OSMR: variants seen among roughly 807,000 people sequenced by gnomAD.
The protein encoded by OSMR is oncostatin-M-specific receptor subunit beta.
OSMR carries 81 observed loss-of-function variants against 99.9 expected under a neutral mutation model. That is an observed-to-expected ratio of 0.81 (90% CI 0.68 to 0.97). The LOEUF (loss-of-function observed/expected upper bound fraction) is 0.97. Ranked by LOEUF, OSMR falls within the 50% of genes least tolerant of loss-of-function variation. OSMR has a pLI of 0.00. For synonymous variants in OSMR, 406 were observed against 410.4 expected (o/e 0.99, Z 0.13); for missense variants, 1,099 against 1,153.4 (o/e 0.95, Z 0.68).
At chr5:38,942,949 T>C (rs759522013) in intron 1 of OSMR, 1 of 1,605,468 alleles carries the variant, frequency 6.2e-7, no homozygotes, top group South Asian at 1.1e-5. Flanking sequence ...TCATCAAATG[T>C]TTGAGGATAC....
Position 38,885,403 on chromosome 5 carries a change from T to C in OSMR, c.758T>C (p.Leu253Ser), listed in dbSNP as rs762819654. 6 of 1,613,926 alleles carry C rather than the reference T, an allele frequency of 3.7e-6. No homozygotes were observed. In the South Asian group the frequency reaches 5.5e-5, roughly 15 times the overall value. The change falls in exon 6 of 18, where the codon TTG becomes TCG. Residue 253 changes from leucine (L) to serine (S), a missense_variant. Physicochemically the swap from Leu to Ser is moderately radical, Grantham distance 145 (BLOSUM62 -2). Coordinates refer to ENST00000274276, the MANE Select transcript of OSMR (RefSeq NM_003999.3). ...FSCETEDFKT[L>S]HCTWDPGTDT... is the part of the protein sequence containing the mutation. Reference sequence around the variant, plus strand: ...TGTGAAACCGAGGACTTCAAGACTTTGCACTGTACTTGGGATCCTGGGACG... The same window carrying C: ...TGTGAAACCGAGGACTTCAAGACTTCGCACTGTACTTGGGATCCTGGGACG...
At chr5:38,886,360 C>A in intron 7 of OSMR, 170 bp downstream of exon 7, 1 of 1,430,498 alleles carries the variant, frequency 7.0e-7, no homozygotes, top group African/African-American at 1.4e-5. Context: ...TGCACGCATC[C>A]CCTATTATTT....
Position 38,933,384 on chromosome 5 carries a change from G to T in OSMR, c.2880G>T (p.Pro960=). 2.5e-6 allele frequency: 4 copies of T among 1,613,908 alleles called. No individual in the cohort carries two copies. The Middle Eastern group carries it at 6.6e-4, about 266-fold the overall frequency. ...AVSLRLALPP[P]TENSSLSSIT... ...CCCTGCGTCTTGCCTTGCCTCCCCC[G>T]ACCGAGAATAGCAGCCTCTCCTCAA... Residue 960 remains proline, a synonymous_variant, in exon 18 of 18, where the codon CCG becomes CCT. Coordinates refer to ENST00000274276, the MANE Select transcript of OSMR (RefSeq NM_003999.3).
chr5:38,917,802 G>T (rs357262), intron 10 of OSMR, among the ~76,000 whole-genome samples, 180 bp downstream of exon 10: 1 of 151,942 alleles, frequency 6.6e-6, no homozygotes, highest in Non-Finnish European at 1.5e-5. Context: ...TTTGATAGCT[G>T]ATGCAACTGA....
chr5:38,872,075 G>T (rs559869630), intron 2 of OSMR, among the ~76,000 whole-genome samples: 2 of 152,152 alleles, frequency 1.3e-5, no homozygotes, highest in Non-Finnish European at 2.9e-5. Flanking sequence ...TGCGGCTGTG[G>T]CAAAGTCACT....
intron 3 of OSMR, 180 bp from the exon 4 acceptor site, chr5:38,881,413 T>G (rs1231267809): frequency 1.1e-6 from 1 of 926,020 alleles, no homozygotes; most frequent in Admixed American, 6.2e-5. Context: ...CAGGAGGTCA[T>G]AGCTGGCTCC....
In OSMR at chr5:38,876,344, A is replaced by G. The variant is rs1742833978; in HGVS notation, c.217A>G (p.Arg73Gly). ...AATGGTATTTCAGATCCAGATCAGT[A>G]GGATTGAAACATCCAATGTCATCTG... ...LKMVFQIQIS[R>G]IETSNVIWVG... The change falls in exon 3 of 18, where the codon AGG (arginine) becomes GGG (glycine). Residue 73 changes from arginine (R) to glycine (G), a missense_variant. Transcript: ENST00000274276. 2.5e-6 allele frequency: 4 copies of G among 1,613,564 alleles called. No homozygotes were observed. The highest frequency in any genetic ancestry group is 3.4e-6 in the Non-Finnish European group (4 of 1,179,564).
intron 1 of OSMR, among the ~76,000 whole-genome samples, chr5:38,865,398 T>A (rs1741860469): frequency 6.6e-6 from 1 of 152,164 alleles, no homozygotes; most frequent in Non-Finnish European, 1.5e-5. Context: ...TAGGGAAAAA[T>A]TTTTTTCCTA....
chr5:38,944,224 T>C, exon 2 of OSMR: 2 of 616,644 alleles, frequency 3.2e-6, no homozygotes, highest in East Asian at 3.4e-5. Flanking sequence ...TCTGGCTTAA[T>C]AGAAGATAGC....
intron 17 of OSMR, 115 bp downstream of exon 17, chr5:38,932,650 G>C: frequency 1.3e-6 from 2 of 1,547,854 alleles, no homozygotes; most frequent in Non-Finnish European, 1.7e-6. Flanking sequence ...CACAGTAAAA[G>C]CCATCTTTGC....
At chr5:38,867,307 A>C (rs1742023243) in intron 1 of OSMR, among the ~76,000 whole-genome samples, 1 of 152,184 alleles carries the variant, frequency 6.6e-6, no homozygotes, top group South Asian at 2.1e-4. Context: ...GAATAATTTG[A>C]TGATGTGGTT....
At chr5:38,885,261 G>A (rs1188800085) in intron 5 of OSMR, 88 bp from the exon 6 acceptor site, 1 of 1,592,770 alleles carries the variant, frequency 6.3e-7, no homozygotes, top group Non-Finnish European at 8.5e-7. Flanking sequence ...CAGTAACTCT[G>A]TGGCTTCAGA....
chr5:38,904,383 T>C lies in OSMR; in HGVS notation c.1165T>C (p.Tyr389His), dbSNP rs917186291. The C allele has an allele frequency of 1.9e-6, 3 of 1,613,982 alleles. No homozygotes were observed. The highest frequency in any genetic ancestry group is 3.3e-5 in the Admixed American group (2 of 60,002). Residue 389 changes from tyrosine to histidine, a missense_variant, in exon 9 of 18, where the codon TAC (tyrosine) becomes CAC (histidine). Tyr to His is a moderately conservative substitution (Grantham distance 83). Coordinates refer to ENST00000274276, the MANE Select transcript of OSMR (RefSeq NM_003999.3). Reference protein sequence around the residue: ...YNVSIKVNGEYFLSELEPATE... With the variant: ...YNVSIKVNGEHFLSELEPATE... ...TGTTTCCATCAAGGTGAACGGTGAG[T>C]ACTTCTTAAGTGAACTGGAACCTGC...
At chr5:38,899,944 A>G (rs10036224) in intron 7 of OSMR, among the ~76,000 whole-genome samples, 26,859 of 151,896 alleles carry the variant, frequency 0.18, 2,546 homozygotes, top group African/African-American at 0.23. Flanking sequence ...TCTTTCCCCA[A>G]AGTCTGCTTG....
chr5:38,883,684 G>T (rs1208251357), intron 4 of OSMR, 143 bp from the exon 5 acceptor site: 2 of 1,531,304 alleles, frequency 1.3e-6, no homozygotes, highest in East Asian at 4.8e-5. Context: ...AGAGGGTAGA[G>T]GTTTGGCAGA....
chr5:38,896,723 C>G lies in OSMR; in HGVS notation c.992-7159C>G, dbSNP rs529029768. On this transcript the variant is annotated intron_variant, in intron 7 of 17. Coordinates refer to ENST00000274276, the MANE Select transcript of OSMR (RefSeq NM_003999.3). Reference sequence around the variant, plus strand: ...TGAAAGTGGGCATCTTTGTCCTGTTCCCAATCTTAGAGGATAGGATTTCAG... The same window carrying G: ...TGAAAGTGGGCATCTTTGTCCTGTTGCCAATCTTAGAGGATAGGATTTCAG... 2.6e-5 allele frequency among the ~76,000 whole-genome samples: 4 copies of G among 152,148 alleles called. No individual in the cohort carries two copies. In the South Asian group the frequency reaches 8.3e-4, roughly 32 times the overall value.
chr5:38,937,216 G>A (rs533490762), downstream of OSMR, among the ~76,000 whole-genome samples: 3 of 152,028 alleles, frequency 2.0e-5, no homozygotes, highest in Admixed American at 6.6e-5. This position sits in a 1 kb window ranked among gnomAD's most constrained non-coding sequence, Gnocchi z 4.0. Flanking sequence ...TGTATTTTTA[G>A]TAGAGACGGG....
chr5:38,892,852 G>A (rs182969338), intron 7 of OSMR, among the ~76,000 whole-genome samples: 1 of 152,144 alleles, frequency 6.6e-6, no homozygotes. Flanking sequence ...ATGGGGAGCT[G>A]GTGACGCCAC....
intron 11 of OSMR, 121 bp downstream of exon 11, chr5:38,919,183 A>G (rs1235492852): frequency 6.5e-7 from 1 of 1,545,642 alleles, no homozygotes; most frequent in Admixed American, 2.0e-5. Flanking sequence ...CTAGTCACTA[A>G]ACAGTCATTT....
Sources: allele counts gnomAD v4.1 joint callset (sites outside exome capture counted in the v4.1 genomes callset), GRCh38; gene constraint gnomAD v4.1.1; non-coding constraint Gnocchi (gnomAD v3.1); transcripts MANE v1.5; gene names NCBI Gene and HGNC (gene_info 2026-07-23, HGNC 2026-07-21).